B4GALNT1: variants seen among roughly 807,000 people sequenced by gnomAD.
B4GALNT1 encodes the protein beta-1,4-N-acetyl-galactosaminyltransferase 1, also known as beta-1,4 N-acetylgalactosaminyltransferase 1.
B4GALNT1 carries 43 observed loss-of-function variants against 55.2 expected under a neutral mutation model. The ratio of observed to expected loss-of-function variants is 0.78; its 90% CI spans 0.61 to 1.00. The LOEUF (loss-of-function observed/expected upper bound fraction) is 1.00, where lower values mean the gene tolerates loss of function less well. Among genes scored for constraint, B4GALNT1 ranks in the 50% least tolerant of loss-of-function variants. The pLI is 0.00. For missense variants in B4GALNT1, 664 were observed against 729.7 expected (o/e 0.91, Z 1.04); for synonymous variants, 305 against 311.6 (o/e 0.98, Z 0.22).
rs757231568 is a variant in B4GALNT1 at position 57,624,601 on chromosome 12, C to T, written c.*2143G>A. 14 of 689,674 alleles carry T rather than the reference C, an allele frequency of 2.0e-5. No homozygotes were observed. The highest frequency in any genetic ancestry group is 1.4e-4 in the South Asian group (10 of 72,298). 42.7% of individuals were successfully genotyped at this position (689,674 alleles called of 1,614,324 possible). ...CCATGATGACTGTGGTCTGCCGCAC[C>T]CGGAGGTGGGCATAGAGATGAGTGG... On this transcript the variant is annotated 3_prime_UTR_variant, in exon 11 of 11. Transcript: ENST00000341156.
chr12:57,626,961 T>C lies in B4GALNT1; in HGVS notation c.1385A>G (p.Glu462Gly). The change falls in exon 11 of 11, where the codon GAA becomes GGA. Residue 462 changes from glutamate (E) to glycine (G), a missense_variant and splice_region_variant. Transcript: ENST00000341156. ...DPRLSRVAHL[E>G]FFLDGLGSLR... The stretch of plus-strand genomic sequence containing the variant: ...GGAACCAAGCCCATCCAAGAAGAAT[T>C]CTGGGGGTGGAGGGGAGTACACAGT... 6.2e-7 allele frequency: 1 copy of C among 1,612,678 alleles called. No homozygotes were observed. The highest frequency in any genetic ancestry group is 8.5e-7 in the Non-Finnish European group (1 of 1,179,244).
rs1884697021 is a variant in B4GALNT1, at chr12:57,624,852, C to T, written c.*1892G>A. 1 of 1,611,886 alleles carries T rather than the reference C, an allele frequency of 6.2e-7. No homozygotes were observed. The highest frequency in any genetic ancestry group is 1.1e-5 in the South Asian group (1 of 91,058). ...ATTAGCCCCAGACATTTCTCTGATC[C>T]TTTGACCTCTTAGCTCCTCCAGGTC... is the stretch of plus-strand genomic sequence containing the variant. On this transcript the variant is annotated 3_prime_UTR_variant, in exon 11 of 11. Transcript: ENST00000341156.
At position 57,626,084 on chromosome 12, in the gene B4GALNT1, G is replaced by A. The variant is rs1884790575; in HGVS notation, c.*660C>T. On this transcript the variant is annotated 3_prime_UTR_variant, in exon 11 of 11. Transcript: ENST00000341156. ...GGCCCTGATGACATGTGTGTGATGA[G>A]GACCATGACCCTTGAACCCCCTTAC... 4.5e-6 allele frequency: 1 copy of A among 223,920 alleles called. No homozygotes were observed. The highest frequency in any genetic ancestry group is 5.0e-5 in the Admixed American group (1 of 19,882). The allele number at this position is 223,920 out of a possible 1,614,324, so 13.9% of individuals were successfully genotyped here.
At chr12:57,632,230 C>T (rs747062197) in intron 1 of B4GALNT1, 97 bp from the exon 2 acceptor site, 17 of 1,191,496 alleles carry the variant, frequency 1.4e-5, no homozygotes, top group African/African-American at 1.4e-4. Context: ...CTCCTGCCGG[C>T]TCCCAAGAGC....
chr12:57,629,744 C>A (rs965815350), intron 6 of B4GALNT1: 22 of 1,426,218 alleles, frequency 1.5e-5, no homozygotes, highest in Non-Finnish European at 1.9e-5. Flanking sequence ...AAACTTAGTG[C>A]AACAAACCAG....
At position 57,624,088 on chromosome 12, in the gene B4GALNT1, G is replaced by A. The variant is rs1489240644; in HGVS notation, c.*2656C>T. ...CTTCCACAACTATGGCACATCAGCC[G>A]AGTGGACTTTGTGAGAAATGCCATT... On this transcript the variant is annotated 3_prime_UTR_variant, in exon 11 of 11. Coordinates refer to ENST00000341156, the MANE Select transcript of B4GALNT1 (RefSeq NM_001478.5). 1.6e-5 allele frequency: 26 copies of A among 1,613,778 alleles called. No homozygotes were observed. The highest frequency in any genetic ancestry group is 5.3e-5 in the African/African-American group (4 of 74,864).
Position 57,625,729 on chromosome 12 carries a change from T to G in B4GALNT1, c.*1015A>C. 1 of 1,528,772 alleles carries G rather than the reference T, an allele frequency of 6.5e-7. No homozygotes were observed. Among genetic ancestry groups the G allele is most frequent in the South Asian group, 1.3e-5 (1 of 76,184 alleles). The allele number at this position is 1,528,772 out of a possible 1,614,324, so 94.7% of individuals were successfully genotyped here. A position where few individuals can be genotyped will look rare whatever the true frequency, so the allele number is the denominator to read the frequency against. ...ACCAGGAGCGGGAGCCAGGAGGCAC[T>G]GGGCTGCGGCAAGTGAGGCAGGGGT... On this transcript the variant is annotated 3_prime_UTR_variant, in exon 11 of 11. Transcript: ENST00000341156.
rs1884812801 is a variant in B4GALNT1, at chr12:57,626,459, G to A, written c.*285C>T. The A allele has an allele frequency of 6.2e-6, 3 of 480,100 alleles. No individual in the cohort carries two copies. Among genetic ancestry groups the A allele is most frequent in the South Asian group, 2.2e-5 (1 of 44,772 alleles). 29.7% of individuals were successfully genotyped at this position (480,100 alleles called of 1,614,324 possible). A position where few individuals can be genotyped will look rare whatever the true frequency, so the allele number is the denominator to read the frequency against. On this transcript the variant is annotated 3_prime_UTR_variant, in exon 11 of 11. Transcript: ENST00000341156. ...GTCCCTCTGGGCTCTTTGGCACTTG[G>A]AAAGTGATCCCCCCATTTCCTGCCC...
intron 4 of B4GALNT1, 147 bp from the exon 5 acceptor site, chr12:57,630,665 G>C (rs1885142855): frequency 6.8e-6 from 7 of 1,030,630 alleles, no homozygotes; most frequent in Non-Finnish European, 9.7e-6. Context: ...GTATAACATA[G>C]CCTACAGTGA....
At chr12:57,631,142 TC>T in intron 3 of B4GALNT1, 56 bp from the exon 4 acceptor site, 1 of 1,610,404 alleles carries the variant, frequency 6.2e-7, no homozygotes, top group Admixed American at 1.7e-5. Flanking sequence ...GGTCTCTCCC[TC>T]CCGGCACAAT....
At chr12:57,628,373 T>G (rs530077691) in intron 8 of B4GALNT1, 111 bp from the exon 9 acceptor site, 1 of 1,503,648 alleles carries the variant, frequency 6.7e-7, no homozygotes, top group Admixed American at 2.0e-5. Context: ...CTCCAGACTT[T>G]TGAGTGCTTT....
At chr12:57,628,074 C>T in intron 9 of B4GALNT1, 48 bp downstream of exon 9, 3 of 1,607,756 alleles carry the variant, frequency 1.9e-6, no homozygotes, top group Admixed American at 1.7e-5. Context: ...TGGCCTTAGC[C>T]TGTTCAAGGC....
intron 2 of B4GALNT1, among the ~76,000 whole-genome samples, 168 bp from the exon 3 acceptor site, chr12:57,631,532 C>A (rs1184397080): frequency 6.6e-6 from 1 of 152,142 alleles, no homozygotes; most frequent in Non-Finnish European, 1.5e-5. Context: ...GACCAAGGAT[C>A]GGATGACCTA....
At position 57,624,215 on chromosome 12, in the gene B4GALNT1, C is replaced by T. The variant is rs1440628346; in HGVS notation, c.*2529G>A. On this transcript the variant is annotated 3_prime_UTR_variant, in exon 11 of 11. Coordinates refer to ENST00000341156, the MANE Select transcript of B4GALNT1 (RefSeq NM_001478.5). ...AAGTTCTGCAACCCACCCACTCCCC[C>T]AGCAAACATAACTCCTAGTATGCTT... The T allele has an allele frequency of 1.1e-6, 1 of 935,210 alleles. No homozygotes were observed. The highest frequency in any genetic ancestry group is 1.6e-6 in the Non-Finnish European group (1 of 608,108). 57.9% of individuals were successfully genotyped at this position (935,210 alleles called of 1,614,324 possible).
Position 57,629,108 on chromosome 12 carries a change from T to C in B4GALNT1, c.751A>G (p.Ile251Val). ...STEGHEAAFT[I>V]RIRHPPNPRL... ...GGGTTGGGCGGGTGTCTTATGCGGA[T>C]AGTGAAAGCAGCCTCATGTCCCTCG... The change falls in exon 7 of 11, where the codon ATC becomes GTC. Residue 251 changes from isoleucine to valine, a missense_variant. Physicochemically the swap from Ile to Val is conservative, Grantham distance 29. Transcript: ENST00000341156. 6.3e-7 allele frequency: 1 copy of C among 1,598,842 alleles called. No homozygotes were observed. The highest frequency in any genetic ancestry group is 8.6e-7 in the Non-Finnish European group (1 of 1,168,788).
rs757810961 is a variant in B4GALNT1 at position 57,629,043 on chromosome 12, C to T, written c.811+5G>A. On this transcript the variant is annotated splice_donor_5th_base_variant and intron_variant, in intron 7 of 10. Transcript: ENST00000341156. Reference sequence around the variant, plus strand: ...CTAATATGTCCCTGCCCCTACCAGCCTCACCTCCCTGGGGTAGAGACCCAG... The same window carrying T: ...CTAATATGTCCCTGCCCCTACCAGCTTCACCTCCCTGGGGTAGAGACCCAG... 1 of 1,582,484 alleles carries T rather than the reference C, an allele frequency of 6.3e-7. No homozygotes were observed. Among genetic ancestry groups the T allele is most frequent in the Non-Finnish European group, 8.6e-7 (1 of 1,159,644 alleles).
rs1885238957 is a variant in B4GALNT1, at chr12:57,631,917, C to T, written c.216G>A (p.Val72=). 4 of 1,419,238 alleles carry T rather than the reference C, an allele frequency of 2.8e-6. No individual in the cohort carries two copies. The highest frequency in any genetic ancestry group is 1.5e-5 in the African/African-American group (1 of 67,494). The allele number at this position is 1,419,238 out of a possible 1,614,324, so 87.9% of individuals were successfully genotyped here. The change falls in exon 2 of 11, where the codon GTG becomes GTA. Residue 72 remains valine, a splice_region_variant and synonymous_variant. Transcript: ENST00000341156. ...HIPVRIKEQV[V]GLLAWNNCSC... ...GCGCCGCCGCGGTCGGCACTCACCCCACTACTTGCTCCTTGATCCTGACCG... is the reference window on the plus strand; with the variant it reads ...GCGCCGCCGCGGTCGGCACTCACCCTACTACTTGCTCCTTGATCCTGACCG...
At position 57,624,192 on chromosome 12, in the gene B4GALNT1, GT is replaced by G. The variant is rs771387746; in HGVS notation, c.*2551del. The G allele has an allele frequency of 1.3e-3, 1,593 of 1,218,182 alleles. 4 individuals are homozygous for G. Among genetic ancestry groups the G allele is most frequent in the Admixed American group, 1.7e-3 (79 of 47,784 alleles). 75.5% of individuals were successfully genotyped at this position (1,218,182 alleles called of 1,614,324 possible). A position where few individuals can be genotyped will look rare whatever the true frequency, so the allele number is the denominator to read the frequency against. ...CCAAACCTAATTGTCCTGGTCTTAAGTTCTGCAACCCACCCACTCCCCCAGC... is the reference window on the plus strand; with the variant it reads ...CCAAACCTAATTGTCCTGGTCTTAAGTCTGCAACCCACCCACTCCCCCAGC... On this transcript the variant is annotated 3_prime_UTR_variant, in exon 11 of 11. Coordinates refer to ENST00000341156, the MANE Select transcript of B4GALNT1 (RefSeq NM_001478.5).
rs17454674 is a variant in B4GALNT1 at position 57,626,799 on chromosome 12, G to A, written c.1547C>T (p.Ala516Val). Residue 516 changes from alanine to valine, a missense_variant, in exon 11 of 11, where the codon GCC (alanine) becomes GTC (valine). Coordinates refer to ENST00000341156, the MANE Select transcript of B4GALNT1 (RefSeq NM_001478.5). ...TTTGAAGAAGAGCAGCCGGTGTTTG[G>A]CCATCTGGCTCTCGTCCAGTGATCC... Reference protein sequence around the residue: ...YPGSLDESQMAKHRLLFFKHR... With the variant: ...YPGSLDESQMVKHRLLFFKHR... 15,520 of 1,614,208 alleles carry A rather than the reference G, an allele frequency of 9.6e-3. 89 individuals are homozygous for A. The highest frequency in any genetic ancestry group is 0.011 in the Non-Finnish European group (13,292 of 1,180,022).
Sources: gnomAD v4.1 joint callset for allele counts (sites outside exome capture counted in the v4.1 genomes callset) on GRCh38, gnomAD v4.1.1 for gene constraint, MANE v1.5 for transcripts, NCBI Gene and HGNC (gene_info 2026-07-23, HGNC 2026-07-21) for gene names.